The following IKZF1 variants were observed in gnomAD, a reference collection of about 807,000 sequenced individuals.
IKZF1 encodes the protein DNA-binding protein Ikaros.
IKZF1 carries 10 observed loss-of-function variants against 51.7 expected under a neutral mutation model. The observed-to-expected ratio is 0.19, with a 90% CI of 0.12 to 0.33. The LOEUF is 0.33. IKZF1 is among the 10% of genes least tolerant of loss of function. IKZF1 has a pLI of 1.00. For synonymous variants in IKZF1, 280 were observed against 282.3 expected, an observed-to-expected ratio of 0.99 and a Z score of 0.08; for missense variants, 484 against 707.5, an observed-to-expected ratio of 0.68 and a Z score of 3.58.
In IKZF1 at chr7:50,400,114, G is replaced by A. The variant is rs937630364; in HGVS notation, c.1047G>A (p.Gln349=). ...TCCCGGTCATCAGCCCGATGTACCA[G>A]CTGCACAAGCCGCTCGCGGAGGGCA... ...EVVPVISPMY[Q]LHKPLAEGTP... The change falls in exon 8 of 8, where the codon CAG becomes CAA. Residue 349 remains glutamine, a synonymous_variant. Transcript: ENST00000331340. The surrounding 1 kb of genome is among the most constrained non-coding windows in gnomAD (Gnocchi z 5.4). The A allele has an allele frequency of 1.3e-6, 2 of 1,558,054 alleles. No individual in the cohort carries two copies. Among genetic ancestry groups the A allele is most frequent in the Non-Finnish European group, 1.7e-6 (2 of 1,153,902 alleles).
Position 50,400,229 on chromosome 7 carries a change from G to A in IKZF1, c.1162G>A (p.Ala388Thr). The change falls in exon 8 of 8, where the codon GCG (alanine) becomes ACG (threonine). Residue 388 changes from alanine (A) to threonine (T), a missense_variant. Coordinates refer to ENST00000331340, the MANE Select transcript of IKZF1 (RefSeq NM_006060.6). The surrounding 1 kb of genome is among the most constrained non-coding windows in gnomAD (Gnocchi z 5.4). ...CAAGTTGGTGCCCTCGGAGCGCGAG[G>A]CGTCCCCGAGCAACAGCTGCCAAGA... ...KAKLVPSERE[A>T]SPSNSCQDST... 1 of 1,602,052 alleles carries A rather than the reference G, an allele frequency of 6.2e-7. No homozygotes were observed. Among genetic ancestry groups the A allele is most frequent in the Non-Finnish European group, 8.5e-7 (1 of 1,175,074 alleles).
chr7:50,319,202 C>A, intron 2 of IKZF1, 101 bp downstream of exon 2: 1 of 858,416 alleles, frequency 1.2e-6, no homozygotes, highest in Non-Finnish European at 1.9e-6. Context: ...GGAATAGGGG[C>A]TATTCTGCAA....
intron 3 of IKZF1, chr7:50,369,184 A>G (rs1407172065): frequency 7.5e-6 from 2 of 265,588 alleles, no homozygotes; most frequent in Non-Finnish European, 1.4e-5. Context: ...ATGAACATAT[A>G]AAACATTATG....
intron 1 of IKZF1, among the ~76,000 whole-genome samples, chr7:50,312,812 G>T (rs544601104): frequency 3.3e-5 from 5 of 152,330 alleles, no homozygotes; most frequent in African/African-American, 7.2e-5. Flanking sequence ...GGAACAAACC[G>T]CAGGAGGAGT....
At chr7:50,323,911 T>C (rs918629935) in intron 2 of IKZF1, among the ~76,000 whole-genome samples, 1 of 152,196 alleles carries the variant, frequency 6.6e-6, no homozygotes, top group African/African-American at 2.4e-5. Flanking sequence ...TTCAGCCTCC[T>C]TTTTCCACTT....
chr7:50,386,519 C>T (rs1411488379), intron 5 of IKZF1, among the ~76,000 whole-genome samples: 3 of 152,086 alleles, frequency 2.0e-5, no homozygotes, highest in African/African-American at 4.8e-5. Context: ...TCCTAAAGCT[C>T]TTTGGCAAGA....
chr7:50,399,446 A>G (rs1248087569), intron 7 of IKZF1, among the ~76,000 whole-genome samples: 1 of 151,188 alleles, frequency 6.6e-6, no homozygotes, highest in African/African-American at 2.4e-5. Flanking sequence ...TATTTTAAAT[A>G]TATTGTATAT....
At chr7:50,357,663 C>T (rs1803873644) in intron 3 of IKZF1, among the ~76,000 whole-genome samples, 1 of 152,184 alleles carries the variant, frequency 6.6e-6, no homozygotes, top group East Asian at 1.9e-4. Context: ...TCGGGGTTTG[C>T]ACACACATCT....
At position 50,404,459 on chromosome 7, in the gene IKZF1, T is replaced by C. The variant is rs1818660681; in HGVS notation, c.*3832T>C. 4.4e-6 allele frequency: 1 copy of C among 229,710 alleles called. No individual in the cohort carries two copies. The highest frequency in any genetic ancestry group is 1.8e-4 in the South Asian group (1 of 5,494). 14.2% of individuals were successfully genotyped at this position (229,710 alleles called of 1,614,324 possible). On this transcript the variant is annotated 3_prime_UTR_variant, in exon 8 of 8. Transcript: ENST00000331340. ...ACTCTGTCTGCCCTATCCCGTGAAGTCCACACTGGCGTAAGAGAAGGCCCA... is the reference window on the plus strand; with the variant it reads ...ACTCTGTCTGCCCTATCCCGTGAAGCCCACACTGGCGTAAGAGAAGGCCCA...
intron 2 of IKZF1, among the ~76,000 whole-genome samples, chr7:50,320,886 T>TA (rs1174767523): frequency 1.3e-5 from 2 of 152,230 alleles, no homozygotes; most frequent in African/African-American, 4.8e-5. Flanking sequence ...GCAGCATTGT[T>TA]ATCAGTATTT....
At chr7:50,331,769 A>G (rs1407554261) in intron 3 of IKZF1, among the ~76,000 whole-genome samples, 1 of 152,238 alleles carries the variant, frequency 6.6e-6, no homozygotes, top group African/African-American at 2.4e-5. Flanking sequence ...TTTGGGGAGA[A>G]GGAGACAGAG....
At chr7:50,309,134 G>T (rs916599618) in intron 1 of IKZF1, among the ~76,000 whole-genome samples, 10 of 152,160 alleles carry the variant, frequency 6.6e-5, no homozygotes, top group Non-Finnish European at 1.5e-4. Flanking sequence ...TCGTGGCGCG[G>T]GGCCACGGCT....
chr7:50,401,007 G>A lies in IKZF1; in HGVS notation c.*380G>A, dbSNP rs891997033. ...TGGGAAGGAGCGTGCTCTACCCTGT[G>A]CTAAGCACGGGGTTCGCGCACCAGG... On this transcript the variant is annotated 3_prime_UTR_variant, in exon 8 of 8. Transcript: ENST00000331340. 2 of 355,888 alleles carry A rather than the reference G, an allele frequency of 5.6e-6. No homozygotes were observed. The highest frequency in any genetic ancestry group is 4.3e-5 in the African/African-American group (2 of 46,224). 22.0% of individuals were successfully genotyped at this position (355,888 alleles called of 1,614,324 possible). A position where few individuals can be genotyped will look rare whatever the true frequency, so the allele number is the denominator to read the frequency against.
chr7:50,332,876 G>A (rs900786701), intron 3 of IKZF1, among the ~76,000 whole-genome samples: 1 of 152,158 alleles, frequency 6.6e-6, no homozygotes, highest in Non-Finnish European at 1.5e-5. Flanking sequence ...CTCTGGCTCT[G>A]TGCACTGGAG....
At chr7:50,348,156 A>C (rs1249665608) in intron 3 of IKZF1, among the ~76,000 whole-genome samples, 1 of 152,114 alleles carries the variant, frequency 6.6e-6, no homozygotes, top group Non-Finnish European at 1.5e-5. Flanking sequence ...TTTGAGAGAA[A>C]TCTCCTTTGA....
intron 3 of IKZF1, chr7:50,369,580 C>T (rs951258784): frequency 3.3e-5 from 13 of 398,486 alleles, no homozygotes; most frequent in South Asian, 1.3e-4. Context: ...TGCCTTCCCC[C>T]GCAAAACAGC....
chr7:50,402,993 C>G lies in IKZF1; in HGVS notation c.*2366C>G. The G allele has an allele frequency of 4.4e-6, 1 of 226,626 alleles. No homozygotes were observed. The highest frequency in any genetic ancestry group is 8.8e-6 in the Non-Finnish European group (1 of 113,870). The allele number at this position is 226,626 out of a possible 1,614,324, so 14.0% of individuals were successfully genotyped here. On this transcript the variant is annotated 3_prime_UTR_variant, in exon 8 of 8. Coordinates refer to ENST00000331340, the MANE Select transcript of IKZF1 (RefSeq NM_006060.6). ...TACTCTGTTCTTTTCCATCCATCCC[C>G]CTGAGTCAGTTGGTTGAAGGGAGTT...
At position 50,385,799 on chromosome 7, in the gene IKZF1, A is replaced by T. The variant is rs969148112; in HGVS notation, c.590-1546A>T. The stretch of plus-strand genomic sequence containing the variant: ...ATTTCTAAAAGCAATGCTCAATAAA[A>T]TGTGCAATTTTAGGCAATATTCTGT... On this transcript the variant is annotated intron_variant, in intron 5 of 7. Transcript: ENST00000331340. Among the ~76,000 whole-genome samples, 12 of 152,350 alleles carry T rather than the reference A, an allele frequency of 7.9e-5. No individual in the cohort carries two copies. The East Asian group carries it at 2.1e-3, about 27-fold the overall frequency.
At chr7:50,342,963 G>A (rs1056792132) in intron 3 of IKZF1, among the ~76,000 whole-genome samples, 3 of 152,160 alleles carry the variant, frequency 2.0e-5, no homozygotes, top group African/African-American at 7.2e-5. Context: ...ACTGTCTTTT[G>A]ACCTTTCTTG....
Sources: allele counts gnomAD v4.1 joint callset (sites outside exome capture counted in the v4.1 genomes callset), GRCh38; gene constraint gnomAD v4.1.1; non-coding constraint Gnocchi (gnomAD v3.1); transcripts MANE v1.5; gene names NCBI Gene and HGNC (gene_info 2026-07-23, HGNC 2026-07-21).